Variants in TAF4B observed in about 807,000 individuals in gnomAD.
TAF4B encodes the protein transcription initiation factor TFIID subunit 4B.
In TAF4B, 38 loss-of-function variants were observed where a neutral mutation model predicts 86.4. The observed-to-expected ratio is 0.44, with a 90% CI of 0.34 to 0.58. The LOEUF is 0.58. Among genes scored for constraint, TAF4B ranks in the 20% least tolerant of loss-of-function variants. The pLI is 0.02. For missense variants in TAF4B, 988 were observed against 1,027.6 expected, an observed-to-expected ratio of 0.96 and a Z score of 0.53; for synonymous variants, 388 against 391.2, an observed-to-expected ratio of 0.99 and a Z score of 0.10.
intron 13 of TAF4B, among the ~76,000 whole-genome samples, chr18:26,336,986 C>T (rs2057097289): frequency 6.6e-6 from 1 of 152,144 alleles, no homozygotes; most frequent in Non-Finnish European, 1.5e-5. Flanking sequence ...AGGTAGACAA[C>T]ATTTTTCAAA....
intron 9 of TAF4B, among the ~76,000 whole-genome samples, chr18:26,307,437 A>G (rs2144649280): frequency 6.6e-6 from 1 of 152,312 alleles, no homozygotes; most frequent in South Asian, 2.1e-4. Context: ...GGCAAACAGG[A>G]TAGTACCTCT....
intron 1 of TAF4B, chr18:26,255,673 C>G: frequency 2.8e-6 from 4 of 1,440,588 alleles, no homozygotes; most frequent in East Asian, 2.3e-5. Context: ...TTTTTTGTTC[C>G]CCTTCTACAT....
intron 13 of TAF4B, among the ~76,000 whole-genome samples, chr18:26,354,144 C>A (rs977078169): frequency 6.6e-6 from 1 of 152,168 alleles, no homozygotes; most frequent in Non-Finnish European, 1.5e-5. Context: ...GGCATGATCT[C>A]GGCTGACTGC....
At chr18:26,271,926 C>CA (rs543780780) in intron 3 of TAF4B, among the ~76,000 whole-genome samples, 6,612 of 65,234 alleles carry the variant, frequency 0.1, 449 homozygotes, top group African/African-American at 0.25. Flanking sequence ...GACTCCGTCT[C>CA]AAAAAAAAAA....
At chr18:26,234,060 G>A (rs2055711411) in intron 1 of TAF4B, among the ~76,000 whole-genome samples, 1 of 152,190 alleles carries the variant, frequency 6.6e-6, no homozygotes, top group South Asian at 2.1e-4. Flanking sequence ...TTGGGTATGA[G>A]TACCTTTCCC....
At position 26,265,210 on chromosome 18, in the gene TAF4B, G is replaced by A. The variant is rs2056222512; in HGVS notation, c.384G>A (p.Leu128=). Residue 128 remains leucine (L), a synonymous_variant, in exon 2 of 15, where the codon TTG becomes TTA. Transcript: ENST00000269142. ...AAAGTAACAGTGGTCCGTTGATGTT[G>A]GTATCTCCTCAGCAAACTGTAACAA... ...LIKSNSGPLM[L]VSPQQTVTRA... 6.2e-7 allele frequency: 1 copy of A among 1,613,514 alleles called. No individual in the cohort carries two copies. Among genetic ancestry groups the A allele is most frequent in the Non-Finnish European group, 8.5e-7 (1 of 1,179,894 alleles).
In TAF4B at chr18:26,244,160, G is replaced by T. The variant is rs752807589; in HGVS notation, c.343+16884G>T. On this transcript the variant is annotated intron_variant, in intron 1 of 14. Transcript: ENST00000269142. ...TTTCTGCTGCCTTTTGTTCAGTTAT[G>T]CCCTGCCCCCAGAGGTGGAGTCTAC... Among the ~76,000 whole-genome samples, 104 of 152,318 alleles carry T rather than the reference G, an allele frequency of 6.8e-4. 1 individual carries two copies. The highest frequency in any genetic ancestry group is 3.4e-3 in the Middle Eastern group (1 of 294).
At chr18:26,290,820 A>G (rs532087781) in intron 7 of TAF4B, among the ~76,000 whole-genome samples, 2 of 152,348 alleles carry the variant, frequency 1.3e-5, no homozygotes, top group Admixed American at 6.5e-5. Flanking sequence ...AGGACAGTGC[A>G]TATAATAAGG....
chr18:26,361,032 G>C (rs1007879272), intron 14 of TAF4B, among the ~76,000 whole-genome samples: 1 of 152,054 alleles, frequency 6.6e-6, no homozygotes, highest in Non-Finnish European at 1.5e-5. Flanking sequence ...CAATATAGTA[G>C]CCCAATATAG....
At chr18:26,346,835 ATG>A (rs763951048) in intron 13 of TAF4B, among the ~76,000 whole-genome samples, 3,416 of 17,412 alleles carry the variant, frequency 0.2, 1,010 homozygotes, top group East Asian at 0.44. Context: ...ATATATATAT[ATG>A]TGTGTGTGTA....
chr18:26,234,713 A>G (rs1395921470), intron 1 of TAF4B, among the ~76,000 whole-genome samples: 2 of 152,154 alleles, frequency 1.3e-5, no homozygotes, highest in African/African-American at 4.8e-5. Flanking sequence ...CTGGGTCACA[A>G]TTTGTTGGCA....
chr18:26,359,472 C>T (rs1303314234), intron 14 of TAF4B, among the ~76,000 whole-genome samples: 1 of 152,152 alleles, frequency 6.6e-6, no homozygotes, highest in Non-Finnish European at 1.5e-5. Context: ...AATCAACCCT[C>T]ATATGGTTGT....
intron 10 of TAF4B, among the ~76,000 whole-genome samples, chr18:26,319,766 A>G (rs1404743481): frequency 6.6e-6 from 1 of 151,690 alleles, no homozygotes; most frequent in African/African-American, 2.4e-5. Context: ...TTTTTTTTGT[A>G]TTTAGTAGAG....
chr18:26,331,211 G>C (rs2057047693), intron 12 of TAF4B, among the ~76,000 whole-genome samples: 1 of 145,216 alleles, frequency 6.9e-6, no homozygotes, highest in Non-Finnish European at 1.5e-5. Context: ...ATTGTAATGA[G>C]GTGGTTTATT....
intron 9 of TAF4B, among the ~76,000 whole-genome samples, chr18:26,303,043 T>C (rs2056753910): frequency 6.7e-6 from 1 of 149,742 alleles, no homozygotes; most frequent in African/African-American, 2.4e-5. Context: ...TTTCCTTTTC[T>C]TCCTCCACTT....
intron 1 of TAF4B, among the ~76,000 whole-genome samples, chr18:26,253,052 T>C (rs1276670940): frequency 6.6e-6 from 1 of 152,100 alleles, no homozygotes; most frequent in Non-Finnish European, 1.5e-5. Context: ...TTTATTTCAT[T>C]TTCTTGCCCA....
At chr18:26,291,626 G>T (rs1317628271) in intron 7 of TAF4B, among the ~76,000 whole-genome samples, 2 of 148,574 alleles carry the variant, frequency 1.3e-5, no homozygotes, top group Non-Finnish European at 3.0e-5. Flanking sequence ...AGAATCGCTT[G>T]AACCTGGGAG....
intron 13 of TAF4B, among the ~76,000 whole-genome samples, chr18:26,349,187 C>T (rs974770844): frequency 4.6e-5 from 7 of 152,012 alleles, no homozygotes; most frequent in Non-Finnish European, 7.4e-5. Flanking sequence ...GTTTGGGGTA[C>T]GATTGATCCC....
intron 13 of TAF4B, among the ~76,000 whole-genome samples, chr18:26,353,596 G>C (rs901955564): frequency 6.6e-6 from 1 of 152,128 alleles, no homozygotes; most frequent in Non-Finnish European, 1.5e-5. Context: ...AAAATGAAGA[G>C]ACTTCCTGAG....
Sources: allele counts gnomAD v4.1 joint callset (sites outside exome capture counted in the v4.1 genomes callset), GRCh38; gene constraint gnomAD v4.1.1; transcripts MANE v1.5; gene names NCBI Gene and HGNC (gene_info 2026-07-23, HGNC 2026-07-21).